TENM1: variants seen among roughly 807,000 people sequenced by gnomAD.
TENM1 encodes teneurin transmembrane protein 1.
In TENM1, 35 loss-of-function variants were observed where a neutral mutation model predicts 174.8. The observed-to-expected ratio is 0.20, with a 90% CI of 0.15 to 0.27. The LOEUF is 0.27. Ranked by LOEUF, TENM1 falls within the 10% of genes least tolerant of loss-of-function variation. TENM1 has a pLI of 1.00. For missense variants in TENM1, 1,633 were observed against 2,130.1 expected, an observed-to-expected ratio of 0.77 and a Z score of 4.59; for synonymous variants, 781 against 798.7, an observed-to-expected ratio of 0.98 and a Z score of 0.37.
chrX:124,809,878 G>GAGAGAA (rs748623888), intron 3 of TENM1, among the ~76,000 whole-genome samples: 12 of 99,612 alleles, frequency 1.2e-4, no homozygotes, highest in African/African-American at 4.6e-4. Flanking sequence ...GAGAGAGAGA[G>GAGAGAA]AAGCAGGAAG....
chrX:124,420,812 C>A (rs2060643615), exon 25 of TENM1: 2 of 1,205,636 alleles, frequency 1.7e-6, no homozygotes, highest in Non-Finnish European at 2.2e-6. Flanking sequence ...TTTGGCATAG[C>A]CACCATCACC....
the TENM1 span, among the ~76,000 whole-genome samples, chrX:125,118,859 T>G: frequency 8.9e-6 from 1 of 111,822 alleles, no homozygotes; most frequent in Non-Finnish European, 1.9e-5. Context: ...TCCTCTGATA[T>G]GAAATTCTAG....
chrX:124,725,141 T>TC (rs374758892), intron 4 of TENM1, among the ~76,000 whole-genome samples: 122 of 111,284 alleles, frequency 1.1e-3, no homozygotes, highest in African/African-American at 3.8e-3. Flanking sequence ...GAGGTATCTT[T>TC]GACTCCTCTC....
intron 1 of TENM1, among the ~76,000 whole-genome samples, chrX:124,956,167 C>A (rs778736802): frequency 8.9e-6 from 1 of 111,826 alleles, no homozygotes; most frequent in Non-Finnish European, 1.9e-5. Context: ...ATGGTTCTAG[C>A]TTCTAGACCC....
At chrX:124,598,956 T>A (rs2049968889) in intron 11 of TENM1, among the ~76,000 whole-genome samples, 1 of 111,886 alleles carries the variant, frequency 8.9e-6, no homozygotes, top group African/African-American at 3.2e-5. Context: ...AATGGATACC[T>A]CATTTACTCT....
At chrX:124,529,298 C>G (rs1485598771) in intron 16 of TENM1, among the ~76,000 whole-genome samples, 1 of 111,903 alleles carries the variant, frequency 8.9e-6, no homozygotes, top group East Asian at 2.8e-4. Context: ...ACTTCAAGGT[C>G]TTGCTTCTCA....
chrX:124,477,749 C>CAAAAAAAA (rs58693858), intron 22 of TENM1, among the ~76,000 whole-genome samples: 1 of 45,189 alleles, frequency 2.2e-5, no homozygotes, highest in Non-Finnish European at 4.6e-5. Flanking sequence ...GACTTCGTCT[C>CAAAAAAAA]AAAAAAAAAA....
At chrX:124,581,303 GATC>G (rs1330857368) in intron 11 of TENM1, among the ~76,000 whole-genome samples, 1 of 110,604 alleles carries the variant, frequency 9.0e-6, no homozygotes, top group African/African-American at 3.3e-5. Context: ...CTCACCTGGT[GATC>G]CACCCACCCC....
At chrX:124,897,263 G>A (rs1411590191) in intron 1 of TENM1, among the ~76,000 whole-genome samples, 1 of 111,568 alleles carries the variant, frequency 9.0e-6, no homozygotes, top group African/African-American at 3.3e-5. Flanking sequence ...ATGACCACAT[G>A]CCAAGACATA....
chrX:124,589,373 G>A (rs1360549377), intron 11 of TENM1, among the ~76,000 whole-genome samples: 3 of 108,547 alleles, frequency 2.8e-5, no homozygotes, highest in Non-Finnish European at 3.8e-5. Flanking sequence ...TGTTGTTGTT[G>A]TTGTTGTTGT....
At chrX:124,777,856 A>C (rs5911905) in intron 3 of TENM1, among the ~76,000 whole-genome samples, 3,825 of 112,603 alleles carry the variant, frequency 0.034, 48 homozygotes, top group Non-Finnish European at 0.053. Flanking sequence ...CTGGACAGTA[A>C]ATACTTTAGG....
chrX:124,623,894 G>A (rs1054717394), intron 11 of TENM1, among the ~76,000 whole-genome samples: 13 of 111,702 alleles, frequency 1.2e-4, no homozygotes, highest in African/African-American at 4.2e-4. Flanking sequence ...TGAAGTTGCA[G>A]AGAGCACTAG....
chrX:124,726,541 G>A (rs768551224), intron 4 of TENM1, among the ~76,000 whole-genome samples: 54 of 112,107 alleles, frequency 4.8e-4, no homozygotes, highest in East Asian at 1.1e-3. Context: ...GTTCTACAGC[G>A]TCTTTTCCTG....
At chrX:124,740,508 C>A (rs1174916670) in intron 3 of TENM1, among the ~76,000 whole-genome samples, 1 of 111,498 alleles carries the variant, frequency 9.0e-6, no homozygotes. Context: ...TATCCATATA[C>A]ATATATGGAT....
intron 23 of TENM1, among the ~76,000 whole-genome samples, chrX:124,450,470 C>T (rs2061022130): frequency 9.0e-6 from 1 of 111,710 alleles, no homozygotes; most frequent in African/African-American, 3.3e-5. Flanking sequence ...GATTGTGAGG[C>T]CTCCCCCACC....
At chrX:124,844,299 A>G (rs1357579980) in intron 3 of TENM1, among the ~76,000 whole-genome samples, 1 of 111,920 alleles carries the variant, frequency 8.9e-6, no homozygotes, top group East Asian at 2.8e-4. Context: ...ATCATTTCCA[A>G]TGTATTTAAT....
intron 21 of TENM1, among the ~76,000 whole-genome samples, chrX:124,482,860 G>A (rs928129193): frequency 8.9e-6 from 1 of 111,829 alleles, no homozygotes; most frequent in Non-Finnish European, 1.9e-5. Flanking sequence ...TTGAACCTAA[G>A]GTTTGTGTAA....
At chrX:124,534,196 G>T (rs187205867) in intron 15 of TENM1, among the ~76,000 whole-genome samples, 28 of 112,207 alleles carry the variant, frequency 2.5e-4, no homozygotes, top group African/African-American at 8.1e-4. Context: ...TTGGTCTGAA[G>T]AACAGAGCAT....
intron 3 of TENM1, among the ~76,000 whole-genome samples, chrX:124,854,113 G>C (rs1422320948): frequency 1.8e-5 from 2 of 111,007 alleles, no homozygotes; most frequent in Non-Finnish European, 3.8e-5. Context: ...TGGCCAGAGA[G>C]AGGTCAAGAA....
Sources: allele counts gnomAD v4.1 joint callset (sites outside exome capture counted in the v4.1 genomes callset), GRCh38; gene constraint gnomAD v4.1.1; transcripts MANE v1.5; gene names NCBI Gene and HGNC (gene_info 2026-07-23, HGNC 2026-07-21).